The following TNIK variants were observed in gnomAD, a reference collection of about 807,000 sequenced individuals.
The protein encoded by TNIK is TRAF2 and NCK-interacting protein kinase.
Under a neutral mutation model 191.3 loss-of-function variants are expected in TNIK, and 49 were observed. The ratio of observed to expected loss-of-function variants is 0.26; its 90% CI spans 0.20 to 0.32. The LOEUF (loss-of-function observed/expected upper bound fraction) is 0.32, where lower values mean the gene tolerates loss of function less well. Among genes scored for constraint, TNIK ranks in the 10% least tolerant of loss-of-function variants. The probability of loss-of-function intolerance (pLI) is 1.00; values close to 1 mark genes in which losing one functional copy is unlikely to be tolerated. For missense variants in TNIK, 1,155 were observed against 1,702.3 expected (o/e 0.68, Z 5.66); for synonymous variants, 594 against 600.9 (o/e 0.99, Z 0.17).
chr3:171,429,011 G>T (rs796105951), intron 1 of TNIK, among the ~76,000 whole-genome samples: 18 of 152,240 alleles, frequency 1.2e-4, no homozygotes, highest in African/African-American at 4.3e-4. Context: ...TTGAACAAAT[G>T]AATGAATTTA....
At chr3:171,379,920 C>A (rs7620655) in intron 1 of TNIK, among the ~76,000 whole-genome samples, 133,808 of 152,082 alleles carry the variant, frequency 0.88, 58,945 homozygotes, top group East Asian at 0.99. Context: ...GAGGCAGGAG[C>A]ATCGCTTGAA....
intron 2 of TNIK, among the ~76,000 whole-genome samples, chr3:171,311,636 AC>A (rs1754025372): frequency 6.6e-6 from 1 of 152,150 alleles, no homozygotes; most frequent in African/African-American, 2.4e-5. Context: ...AGTATTGAGA[AC>A]CTTCCCCCAG....
At chr3:171,318,914 C>G (rs1754909233) in intron 2 of TNIK, among the ~76,000 whole-genome samples, 1 of 152,068 alleles carries the variant, frequency 6.6e-6, no homozygotes, top group South Asian at 2.1e-4. Flanking sequence ...CCTGTAATCC[C>G]AGTGCTTTGA....
chr3:171,073,312 G>T (rs2108329991), intron 28 of TNIK, among the ~76,000 whole-genome samples: 1 of 151,844 alleles, frequency 6.6e-6, no homozygotes, highest in African/African-American at 2.4e-5. Flanking sequence ...GGACACCCTG[G>T]GAAAATTGGC....
At chr3:171,245,789 C>T (rs1198684450) in intron 2 of TNIK, among the ~76,000 whole-genome samples, 1 of 152,176 alleles carries the variant, frequency 6.6e-6, no homozygotes. Context: ...GAATAAAATG[C>T]TATTTCTTGC....
chr3:171,229,362 G>A (rs1401390827), intron 2 of TNIK, among the ~76,000 whole-genome samples: 1 of 152,182 alleles, frequency 6.6e-6, no homozygotes, highest in Admixed American at 6.5e-5. Flanking sequence ...AATAGTAAGG[G>A]CCTCCCCCAT....
At chr3:171,341,721 G>A (rs1299424263) in intron 2 of TNIK, among the ~76,000 whole-genome samples, 1 of 152,074 alleles carries the variant, frequency 6.6e-6, no homozygotes, top group African/African-American at 2.4e-5. Flanking sequence ...TCTACGCAGT[G>A]GTAGTAGCCT....
intron 4 of TNIK, among the ~76,000 whole-genome samples, chr3:171,197,243 A>G (rs1049145433): frequency 5.3e-5 from 8 of 152,210 alleles, no homozygotes; most frequent in Non-Finnish European, 1.0e-4. Flanking sequence ...CTATACAAAA[A>G]TATTAACTCA....
At chr3:171,313,436 A>G (rs2108308118) in intron 2 of TNIK, among the ~76,000 whole-genome samples, 1 of 152,222 alleles carries the variant, frequency 6.6e-6, no homozygotes, top group Admixed American at 6.5e-5. Flanking sequence ...AGTGGCAGAG[A>G]GGGCCCCAGA....
At chr3:171,176,949 C>T (rs1165444692) in intron 8 of TNIK, among the ~76,000 whole-genome samples, 1 of 152,134 alleles carries the variant, frequency 6.6e-6, no homozygotes, top group African/African-American at 2.4e-5. Flanking sequence ...CTTTGTATAA[C>T]CTGTGCACTG....
intron 1 of TNIK, among the ~76,000 whole-genome samples, chr3:171,430,647 CAAA>C (rs34307433): frequency 8.8e-6 from 1 of 113,972 alleles, no homozygotes; most frequent in African/African-American, 3.2e-5. Flanking sequence ...AAAAAACAGA[CAAA>C]AAAAAAAAAA....
chr3:171,341,841 T>G (rs1394906568), intron 2 of TNIK, among the ~76,000 whole-genome samples: 1 of 152,204 alleles, frequency 6.6e-6, no homozygotes, highest in Non-Finnish European at 1.5e-5. Context: ...CCATCTTATT[T>G]GATCCCAACA....
intron 18 of TNIK, among the ~76,000 whole-genome samples, chr3:171,112,538 C>T (rs1726002113): frequency 2.6e-5 from 4 of 152,148 alleles, no homozygotes; most frequent in African/African-American, 9.7e-5. Flanking sequence ...ATCTCTGCAC[C>T]AGGAGATACT....
intron 1 of TNIK, among the ~76,000 whole-genome samples, chr3:171,395,141 A>G (rs1720057982): frequency 6.6e-6 from 1 of 152,220 alleles, no homozygotes; most frequent in Non-Finnish European, 1.5e-5. Flanking sequence ...AAAGGGAGAT[A>G]TGAGTTTTAG....
intron 4 of TNIK, among the ~76,000 whole-genome samples, chr3:171,209,569 C>A (rs1345806698): frequency 6.6e-6 from 1 of 152,008 alleles, no homozygotes; most frequent in African/African-American, 2.4e-5. Flanking sequence ...ATTATCCAGT[C>A]ATATTTATTT....
At chr3:171,426,813 G>A (rs1432026092) in intron 1 of TNIK, among the ~76,000 whole-genome samples, 2 of 152,190 alleles carry the variant, frequency 1.3e-5, no homozygotes, top group African/African-American at 2.4e-5. Context: ...AAAGGTGACA[G>A]AGGAAAGGAG....
chr3:171,106,291 G>A (rs909249919), intron 21 of TNIK, among the ~76,000 whole-genome samples: 2 of 152,152 alleles, frequency 1.3e-5, no homozygotes, highest in East Asian at 3.9e-4. Context: ...GGGATGGGGA[G>A]GTGTTTTTAT....
intron 4 of TNIK, among the ~76,000 whole-genome samples, chr3:171,197,051 T>C (rs925125197): frequency 6.6e-6 from 1 of 152,218 alleles, no homozygotes; most frequent in Admixed American, 6.5e-5. Context: ...CCACCACACC[T>C]GGCCAGTATT....
At chr3:171,242,762 T>G (rs1399054992) in intron 2 of TNIK, among the ~76,000 whole-genome samples, 2 of 152,212 alleles carry the variant, frequency 1.3e-5, no homozygotes, top group Admixed American at 1.3e-4. Flanking sequence ...AATAACACAA[T>G]ATTTATTAAC....
Sources: gnomAD v4.1 joint callset for allele counts (sites outside exome capture counted in the v4.1 genomes callset) on GRCh38, gnomAD v4.1.1 for gene constraint, MANE v1.5 for transcripts, NCBI Gene and HGNC (gene_info 2026-07-23, HGNC 2026-07-21) for gene names.